Variants in EPHB1 observed in about 807,000 individuals in gnomAD.
EPHB1 encodes EPH receptor B1.
EPHB1 carries 30 observed loss-of-function variants against 94.4 expected under a neutral mutation model. The ratio of observed to expected loss-of-function variants is 0.32; its 90% confidence interval spans 0.24 to 0.43. The LOEUF (loss-of-function observed/expected upper bound fraction) is 0.43. Among genes scored for constraint, EPHB1 ranks in the 20% least tolerant of loss-of-function variants. EPHB1 has a pLI of 1.00. For missense variants in EPHB1, 1,055 were observed against 1,308.3 expected (o/e 0.81, Z 2.99); for synonymous variants, 522 against 489.1 (o/e 1.07, Z -0.89).
At chr3:134,814,718 A>C (rs1318396235) in intron 1 of EPHB1, among the ~76,000 whole-genome samples, 3 of 152,208 alleles carry the variant, frequency 2.0e-5, no homozygotes, top group Non-Finnish European at 4.4e-5. Flanking sequence ...AGTTCCTGTG[A>C]GGGAAGGCTC....
At chr3:135,242,502 A>G (rs1943811201) in intron 13 of EPHB1, among the ~76,000 whole-genome samples, 1 of 152,172 alleles carries the variant, frequency 6.6e-6, no homozygotes, top group Non-Finnish European at 1.5e-5. Context: ...GACTGTGGAA[A>G]GAGGAGCTGG....
At chr3:135,197,472 C>T (rs997332160) in intron 11 of EPHB1, among the ~76,000 whole-genome samples, 2 of 152,166 alleles carry the variant, frequency 1.3e-5, no homozygotes, top group African/African-American at 4.8e-5. Context: ...ACTCAATTTT[C>T]CAATTTATAA....
At chr3:135,016,553 A>C (rs1246243732) in intron 3 of EPHB1, among the ~76,000 whole-genome samples, 1 of 152,212 alleles carries the variant, frequency 6.6e-6, no homozygotes, top group Non-Finnish European at 1.5e-5. Context: ...GTTGCAGTGC[A>C]GCCAGTGTGG....
chr3:134,914,730 G>A (rs1467944182), intron 1 of EPHB1, among the ~76,000 whole-genome samples: 1 of 152,196 alleles, frequency 6.6e-6, no homozygotes, highest in East Asian at 1.9e-4. Flanking sequence ...CAGAGTTAAA[G>A]ACAGGCAACA....
intron 3 of EPHB1, among the ~76,000 whole-genome samples, chr3:135,036,209 T>A (rs1301178393): frequency 6.6e-6 from 1 of 152,206 alleles, no homozygotes; most frequent in Admixed American, 6.5e-5. Flanking sequence ...AGCAAGGCCG[T>A]TGAGACGCTA....
intron 3 of EPHB1, among the ~76,000 whole-genome samples, chr3:135,025,186 A>C (rs1936115069): frequency 9.6e-6 from 1 of 104,142 alleles, no homozygotes; most frequent in African/African-American, 3.3e-5. Flanking sequence ...TTTTTTCAAG[A>C]AGGTTACAAA....
At chr3:134,810,276 A>AGTGTGTGTGTGTGTGTGTGTGTGT (rs35841212) in intron 1 of EPHB1, among the ~76,000 whole-genome samples, 2 of 145,792 alleles carry the variant, frequency 1.4e-5, no homozygotes, top group South Asian at 2.3e-4. Context: ...GCACAGGAGG[A>AGTGTGTGTGTGTGTGTGTGTGTGT]GTGTGTGTGT....
intron 15 of EPHB1, 148 bp from the exon 16 acceptor site, chr3:135,258,864 A>G (rs760478901): frequency 1.5e-6 from 1 of 658,502 alleles, no homozygotes; most frequent in Non-Finnish European, 2.7e-6. Context: ...CTCTAATTGG[A>G]AGTTTGCCAA....
chr3:135,254,234 C>G (rs28881902), intron 15 of EPHB1, among the ~76,000 whole-genome samples: 2,775 of 62,276 alleles, frequency 0.045, 44 homozygotes, highest in Middle Eastern at 0.12. Context: ...GCCCTGGCCA[C>G]AACTTCCAAC....
At chr3:134,879,314 C>T (rs906940937) in intron 1 of EPHB1, among the ~76,000 whole-genome samples, 1 of 152,130 alleles carries the variant, frequency 6.6e-6, no homozygotes, top group African/African-American at 2.4e-5. Context: ...GCCAAACCCA[C>T]TTGCCAAGCA....
chr3:135,033,715 GA>G (rs1936559023), intron 3 of EPHB1, among the ~76,000 whole-genome samples: 1 of 152,182 alleles, frequency 6.6e-6, no homozygotes. Flanking sequence ...TAAAAAATGA[GA>G]AATTGCAGTT....
In EPHB1 at chr3:135,200,933, C is replaced by T. The variant is rs1472264250; in HGVS notation, c.2131-541C>T. On this transcript the variant is annotated intron_variant, in intron 11 of 15. Transcript: ENST00000398015. ...GGGCCCTAAGGCAGGAAGAGTTTGT[C>T]TTGGAAAAGAAGAAAGGGTGCCAGT... Among the ~76,000 whole-genome samples, 3 of 152,106 alleles carry T rather than the reference C, an allele frequency of 2.0e-5. No individual in the cohort carries two copies. In the East Asian group the frequency reaches 5.8e-4, roughly 29 times the overall value.
intron 1 of EPHB1, among the ~76,000 whole-genome samples, chr3:134,811,160 T>G (rs1035373086): frequency 6.6e-6 from 1 of 151,630 alleles, no homozygotes; most frequent in Non-Finnish European, 1.5e-5. Context: ...GTGTCCAGGT[T>G]CTCACTATCA....
chr3:135,036,262 G>A (rs780068452), intron 3 of EPHB1, among the ~76,000 whole-genome samples: 12 of 152,160 alleles, frequency 7.9e-5, no homozygotes, highest in Non-Finnish European at 1.5e-4. Flanking sequence ...ATAACTACTC[G>A]GGGAGGGTGA....
chr3:135,238,687 C>T (rs1335745686), intron 12 of EPHB1, among the ~76,000 whole-genome samples: 1 of 152,212 alleles, frequency 6.6e-6, no homozygotes, highest in African/African-American at 2.4e-5. Flanking sequence ...CCCACTCTCA[C>T]ACACAGATTG....
chr3:134,950,528 G>A (rs570841370), intron 2 of EPHB1, among the ~76,000 whole-genome samples: 1 of 152,204 alleles, frequency 6.6e-6, no homozygotes, highest in Non-Finnish European at 1.5e-5. Flanking sequence ...CATAGTGCCA[G>A]CATCTACTTC....
At chr3:134,961,428 A>G (rs556856541) in intron 3 of EPHB1, among the ~76,000 whole-genome samples, 1 of 152,230 alleles carries the variant, frequency 6.6e-6, no homozygotes, top group East Asian at 1.9e-4. Context: ...TAATTTCTGA[A>G]CCTTTCTTCC....
In EPHB1 at chr3:135,201,629, C is replaced by T; in HGVS notation, c.2286C>T (p.Asp762=). The T allele has an allele frequency of 6.2e-7, 1 of 1,614,016 alleles. No homozygotes were observed. Among genetic ancestry groups the T allele is most frequent in the Non-Finnish European group, 8.5e-7 (1 of 1,179,986 alleles). The change falls in exon 12 of 16, where the codon GAC becomes GAT. Residue 762 remains aspartate (D), a synonymous_variant. Transcript: ENST00000398015. ...VNSNLVCKVS[D]FGLSRYLQDD... is the part of the protein sequence containing the mutation. ...GTAACCTGGTGTGCAAGGTGTCCGA[C>T]TTTGGCCTCTCCCGCTACCTCCAGG...
At chr3:135,171,572 A>G (rs1941801290) in intron 9 of EPHB1, among the ~76,000 whole-genome samples, 1 of 152,242 alleles carries the variant, frequency 6.6e-6, no homozygotes, top group Non-Finnish European at 1.5e-5. Flanking sequence ...CTGCAAGACA[A>G]AATGTTAGCA....
Sources: gnomAD v4.1 joint callset for allele counts (sites outside exome capture counted in the v4.1 genomes callset) on GRCh38, gnomAD v4.1.1 for gene constraint, MANE v1.5 for transcripts, NCBI Gene and HGNC (gene_info 2026-07-23, HGNC 2026-07-21) for gene names.